LRRC7: variants seen among roughly 807,000 people sequenced by gnomAD.
LRRC7 encodes the protein leucine-rich repeat-containing protein 7.
A neutral mutation model predicts 175.7 loss-of-function variants in LRRC7; 23 were observed. The ratio of observed to expected loss-of-function variants is 0.13; its 90% CI spans 0.09 to 0.19. LRRC7 has a LOEUF of 0.19. Among genes scored for constraint, LRRC7 ranks in the 10% least tolerant of loss-of-function variants. LRRC7 has a pLI of 1.00. For missense variants in LRRC7, 1,354 were observed against 1,904.7 expected, an observed-to-expected ratio of 0.71 and a Z score of 5.38; for synonymous variants, 685 against 680.9, an observed-to-expected ratio of 1.01 and a Z score of -0.09.
chr1:69,800,818 T>C (rs1257083719), intron 4 of LRRC7, among the ~76,000 whole-genome samples: 1 of 151,822 alleles, frequency 6.6e-6, no homozygotes, highest in Non-Finnish European at 1.5e-5. Context: ...TTTCAGTTTT[T>C]ACAGGGATTG....
intron 3 of LRRC7, among the ~76,000 whole-genome samples, chr1:69,783,894 A>C (rs1215430433): frequency 6.6e-6 from 1 of 152,134 alleles, no homozygotes; most frequent in African/African-American, 2.4e-5. Flanking sequence ...TAGAAGAAAA[A>C]TAAATAATTT....
chr1:70,000,011 T>C (rs1392945769), intron 11 of LRRC7, among the ~76,000 whole-genome samples: 1 of 152,158 alleles, frequency 6.6e-6, no homozygotes, highest in Non-Finnish European at 1.5e-5. Flanking sequence ...TCTTCAATAA[T>C]GGCTTCAGAG....
intron 8 of LRRC7, among the ~76,000 whole-genome samples, chr1:69,945,267 C>T (rs1557917522): frequency 6.6e-6 from 1 of 152,030 alleles, no homozygotes; most frequent in Non-Finnish European, 1.5e-5. Context: ...ATCCTTTCCC[C>T]ATTGTGGTGC....
chr1:69,703,030 A>G (rs533116860), intron 2 of LRRC7, among the ~76,000 whole-genome samples: 1 of 152,220 alleles, frequency 6.6e-6, no homozygotes, highest in East Asian at 1.9e-4. Context: ...TGGCTCACTG[A>G]TCTGTCTGCA....
rs1185152038 is a variant in LRRC7, at chr1:70,137,398, C to T, written c.*15511C>T. ...ATCTGAGGGAAGAAGAGAAGTTAAC[C>T]TTTAGTGACCCTTGAAAGCTTTAAA... On this transcript the variant is annotated 3_prime_UTR_variant, in exon 27 of 27. Transcript: ENST00000651989. 6.6e-6 allele frequency among the ~76,000 whole-genome samples: 1 copy of T among 152,152 alleles called. No individual in the cohort carries two copies. Among genetic ancestry groups the T allele is most frequent in the Non-Finnish European group, 1.5e-5 (1 of 68,020 alleles).
chr1:69,773,895 T>C (rs1672521123), intron 3 of LRRC7, among the ~76,000 whole-genome samples: 1 of 152,198 alleles, frequency 6.6e-6, no homozygotes, highest in South Asian at 2.1e-4. Flanking sequence ...GGATTGCACT[T>C]GTTATCCCTG....
At chr1:70,032,411 A>C (rs1298427469) in intron 18 of LRRC7, among the ~76,000 whole-genome samples, 2 of 152,038 alleles carry the variant, frequency 1.3e-5, no homozygotes. Flanking sequence ...AAAAAAGCAC[A>C]AAACAGAAAA....
In LRRC7 at chr1:70,138,762, G is replaced by A. The variant is rs182238657; in HGVS notation, c.*16875G>A. 2.0e-3 allele frequency: 310 copies of A among 152,278 alleles called. 3 individuals are homozygous for A. Among genetic ancestry groups the A allele is most frequent in the African/African-American group, 7.1e-3 (294 of 41,558 alleles). 9.4% of individuals were successfully genotyped at this position (152,278 alleles called of 1,614,324 possible). A position where few individuals can be genotyped will look rare whatever the true frequency, so the allele number is the denominator to read the frequency against. On this transcript the variant is annotated 3_prime_UTR_variant, in exon 27 of 27. Transcript: ENST00000651989. Reference sequence around the variant, plus strand: ...GTGGCCTTTCTGTGTGGAGGAGCTCGTTTGTCCAAGGTATGATCTACCAGT... The same window carrying A: ...GTGGCCTTTCTGTGTGGAGGAGCTCATTTGTCCAAGGTATGATCTACCAGT...
intron 1 of LRRC7, among the ~76,000 whole-genome samples, chr1:69,626,111 G>C (rs1312709415): frequency 6.6e-6 from 1 of 152,104 alleles, no homozygotes; most frequent in Non-Finnish European, 1.5e-5. Context: ...TAACATCTGA[G>C]ATTATTCTGA....
intron 7 of LRRC7, among the ~76,000 whole-genome samples, chr1:69,858,294 C>G (rs1357170843): frequency 6.6e-6 from 1 of 152,078 alleles, no homozygotes; most frequent in African/African-American, 2.4e-5. Context: ...TTCTGCACAG[C>G]AAAAGAAACT....
chr1:69,878,821 T>A lies in LRRC7; in HGVS notation c.647+40538T>A, dbSNP rs999003265. The stretch of plus-strand genomic sequence containing the variant: ...ATATATAAATAAATGTATATATATA[T>A]AAAAGAACAAGCTGTGTGTGATATA... On this transcript the variant is annotated intron_variant, in intron 7 of 26. Coordinates refer to ENST00000651989, the MANE Select transcript of LRRC7 (RefSeq NM_001370785.2). Among the ~76,000 whole-genome samples, 18 of 148,738 alleles carry A rather than the reference T, an allele frequency of 1.2e-4. No homozygotes were observed. In the South Asian group the frequency reaches 1.7e-3, roughly 14 times the overall value.
intron 2 of LRRC7, among the ~76,000 whole-genome samples, chr1:69,687,738 T>G (rs1052963808): frequency 2.6e-5 from 4 of 152,086 alleles, no homozygotes; most frequent in Non-Finnish European, 5.9e-5. Context: ...CTAACAGAAT[T>G]TCTTTAATAT....
chr1:70,014,835 C>G (rs1487059641), intron 13 of LRRC7, among the ~76,000 whole-genome samples: 1 of 151,978 alleles, frequency 6.6e-6, no homozygotes, highest in Non-Finnish European at 1.5e-5. Flanking sequence ...AGCTCACTTG[C>G]AATAGAGGTC....
chr1:69,766,821 A>G (rs755025303), intron 3 of LRRC7, among the ~76,000 whole-genome samples: 3 of 152,214 alleles, frequency 2.0e-5, no homozygotes, highest in Non-Finnish European at 4.4e-5. Flanking sequence ...CATAAGCACA[A>G]AACAAATGGC....
At chr1:70,014,434 C>T (rs1207761351) in intron 13 of LRRC7, among the ~76,000 whole-genome samples, 3 of 151,862 alleles carry the variant, frequency 2.0e-5, no homozygotes, top group Admixed American at 1.3e-4. Flanking sequence ...ATGAATAATA[C>T]ATAGAGGAGC....
rs746418669 is a variant in LRRC7, at chr1:69,568,632, C to T, written c.-8C>T. ...CCGAAACCTCATGGGCAGTTTCTCCCGCCGGCGATGTGAGTAAGGCACGCT... is the reference window on the plus strand; with the variant it reads ...CCGAAACCTCATGGGCAGTTTCTCCTGCCGGCGATGTGAGTAAGGCACGCT... On this transcript the variant is annotated 5_prime_UTR_variant, in exon 1 of 27. Transcript: ENST00000651989. The T allele has an allele frequency of 4.4e-6, 6 of 1,352,024 alleles. No homozygotes were observed. The Admixed American group carries it at 7.8e-5, about 18-fold the overall frequency. 83.8% of individuals were successfully genotyped at this position (1,352,024 alleles called of 1,614,324 possible).
chr1:69,683,334 C>T (rs1470385131), intron 2 of LRRC7, among the ~76,000 whole-genome samples: 13 of 152,104 alleles, frequency 8.5e-5, no homozygotes, highest in Admixed American at 8.5e-4. Flanking sequence ...ACCAAATGCT[C>T]CCCAAAGTGG....
At chr1:70,011,049 T>C (rs889254952) in intron 11 of LRRC7, among the ~76,000 whole-genome samples, 1 of 152,226 alleles carries the variant, frequency 6.6e-6, no homozygotes, top group African/African-American at 2.4e-5. Flanking sequence ...AAACTCTGGA[T>C]CATTATGTAA....
At chr1:69,984,087 A>G (rs1653702805) in intron 9 of LRRC7, among the ~76,000 whole-genome samples, 1 of 151,910 alleles carries the variant, frequency 6.6e-6, no homozygotes, top group Non-Finnish European at 1.5e-5. Flanking sequence ...CACCATAGTC[A>G]GCTAATTTTT....
Sources: allele counts gnomAD v4.1 joint callset (sites outside exome capture counted in the v4.1 genomes callset), GRCh38; gene constraint gnomAD v4.1.1; transcripts MANE v1.5; gene names NCBI Gene and HGNC (gene_info 2026-07-23, HGNC 2026-07-21).